GALNS: variants seen among roughly 807,000 people sequenced by gnomAD.
The protein encoded by GALNS is N-acetylgalactosamine-6-sulfatase.
Under a neutral mutation model 65.9 loss-of-function variants are expected in GALNS, and 65 were observed. The ratio of observed to expected loss-of-function variants is 0.99; its 90% CI spans 0.81 to 1.21. The LOEUF (loss-of-function observed/expected upper bound fraction) is 1.21. Ranked by LOEUF, GALNS falls within the 50% of genes most tolerant of loss-of-function variation. GALNS has a pLI of 0.00. For synonymous variants in GALNS, 346 were observed against 288.9 expected (o/e 1.20, Z -2.00); for missense variants, 776 against 700.7 (o/e 1.11, Z -1.21).
At chr16:88,838,894 T>C (rs530215028) in intron 4 of GALNS, 1 of 152,382 alleles carries the variant, frequency 6.6e-6, no homozygotes, top group African/African-American at 2.4e-5. Context: ...TCCCTGGACA[T>C]GGCCTCTGTA....
chr16:88,855,476 G>A (rs1255454147), intron 1 of GALNS: 2 of 702,846 alleles, frequency 2.8e-6, no homozygotes, highest in Non-Finnish European at 5.2e-6. Flanking sequence ...ACTGCTGTCA[G>A]GACACGGACC....
chr16:88,844,870 G>C (rs1034946664), intron 1 of GALNS: 1 of 152,268 alleles, frequency 6.6e-6, no homozygotes, highest in African/African-American at 2.4e-5. Context: ...ATATGGGGCT[G>C]TCACAGCCCC....
rs530531065 is a variant in GALNS, at chr16:88,817,158, G to A, written c.1482+849C>T. The A allele has an allele frequency of 1.6e-5, 16 of 985,470 alleles. No homozygotes were observed. The East Asian group carries it at 3.4e-4, about 21-fold the overall frequency. The allele number at this position is 985,470 out of a possible 1,614,324, so 61.0% of individuals were successfully genotyped here. ...ACTGCACACGCGGGATGGCTGGGCC[G>A]TCCACATGCCACCCTATGGGACCCC... On this transcript the variant is annotated intron_variant, in intron 13 of 13. Transcript: ENST00000268695.
At chr16:88,843,385 G>C in intron 1 of GALNS, 1 of 420,964 alleles carries the variant, frequency 2.4e-6, no homozygotes, top group Non-Finnish European at 4.2e-6. Context: ...GCATACGAGC[G>C]TCCAGGGCAG....
At chr16:88,828,699 T>C (rs1273320959) in intron 9 of GALNS, among the ~76,000 whole-genome samples, 1 of 152,198 alleles carries the variant, frequency 6.6e-6, no homozygotes, top group African/African-American at 2.4e-5. Context: ...AACGCTGAAA[T>C]TGGCATTTTT....
rs150248796 is a variant in GALNS, at chr16:88,848,536, G to A, written c.121-5707C>T. On this transcript the variant is annotated intron_variant, in intron 1 of 13. Transcript: ENST00000268695. ...TGGTCCCAGCTACTCGGGAGGCTGA[G>A]GCAGGACAGCCTGGGTGACAGTGAG... 1.7e-4 allele frequency among the ~76,000 whole-genome samples: 25 copies of A among 151,352 alleles called. 1 individual carries two copies. The East Asian group carries it at 4.9e-3, about 29-fold the overall frequency.
intron 7 of GALNS, 127 bp from the exon 8 acceptor site, chr16:88,835,479 G>C: frequency 7.3e-7 from 1 of 1,360,724 alleles, no homozygotes; most frequent in South Asian, 1.2e-5. Context: ...AGTGAAACTG[G>C]CCGGCCTCTT....
chr16:88,831,188 C>A (rs1209264606), intron 9 of GALNS, among the ~76,000 whole-genome samples: 1 of 152,148 alleles, frequency 6.6e-6, no homozygotes, highest in Non-Finnish European at 1.5e-5. Context: ...CGAGAGCCAC[C>A]GAGAGGGACC....
rs146415879 is a variant in GALNS, at chr16:88,826,916, G to T, written c.1003-78C>A. 2,638 of 1,505,054 alleles carry T rather than the reference G, an allele frequency of 1.8e-3. 2 individuals are homozygous for T. Among genetic ancestry groups the T allele is most frequent in the Middle Eastern group, 9.1e-3 (40 of 4,414 alleles). 93.2% of individuals were successfully genotyped at this position (1,505,054 alleles called of 1,614,324 possible). On this transcript the variant is annotated intron_variant, in intron 9 of 13. Coordinates refer to ENST00000268695, the MANE Select transcript of GALNS (RefSeq NM_000512.5). ...GCTGGGGGCCAATCCCTGGGGGGGCGTGAGCCCCGCTGCCCAGCTGGGTCT... is the reference window on the plus strand; with the variant it reads ...GCTGGGGGCCAATCCCTGGGGGGGCTTGAGCCCCGCTGCCCAGCTGGGTCT...
chr16:88,856,359 G>T, intron 1 of GALNS: 4 of 702,044 alleles, frequency 5.7e-6, no homozygotes, highest in Non-Finnish European at 1.0e-5. Flanking sequence ...TCCCTTTGGG[G>T]AGGCCACGCT....
intron 4 of GALNS, 50 bp from the exon 5 acceptor site, chr16:88,837,815 G>A (rs1411214432): frequency 6.2e-6 from 10 of 1,604,920 alleles, no homozygotes; most frequent in African/African-American, 5.4e-5. Context: ...GGGGACACTC[G>A]GAAGTTCTGA....
intron 1 of GALNS, among the ~76,000 whole-genome samples, chr16:88,846,924 G>C (rs916832195): frequency 6.6e-6 from 1 of 152,098 alleles, no homozygotes; most frequent in Non-Finnish European, 1.5e-5. Flanking sequence ...GTGTGGCCAG[G>C]GGGTTACTGA....
chr16:88,852,039 C>A (rs567209839), intron 1 of GALNS, among the ~76,000 whole-genome samples: 1 of 152,236 alleles, frequency 6.6e-6, no homozygotes, highest in Admixed American at 6.5e-5. Context: ...GCTCTGAGAA[C>A]GGACACATTG....
At chr16:88,839,653 G>A (rs551149041) in intron 4 of GALNS, among the ~76,000 whole-genome samples, 5 of 152,358 alleles carry the variant, frequency 3.3e-5, no homozygotes, top group South Asian at 4.1e-4. Context: ...CCACCTGACT[G>A]AGCAGCCGCT....
chr16:88,826,064 C>T (rs1216796168), intron 10 of GALNS, among the ~76,000 whole-genome samples: 1 of 151,882 alleles, frequency 6.6e-6, no homozygotes, highest in East Asian at 1.9e-4. Context: ...GGCAGAGCAG[C>T]GACTTGGATG....
chr16:88,819,031 T>G (rs1464651860), intron 12 of GALNS, among the ~76,000 whole-genome samples: 2 of 152,210 alleles, frequency 1.3e-5, no homozygotes, highest in African/African-American at 4.8e-5. Flanking sequence ...CCAGGCCCAG[T>G]ACCTTCTGGG....
Position 88,835,253 on chromosome 16 carries a change from C to G in GALNS, c.858G>C (p.Thr286=). The G allele has an allele frequency of 6.2e-7, 1 of 1,607,482 alleles. No individual in the cohort carries two copies. The change falls in exon 8 of 14, where the codon ACG becomes ACC. Residue 286 remains threonine (T), a synonymous_variant. Transcript: ENST00000268695. ...HVADNTFVFF[T]SDNGAALISA... ...AAATGAGGGCAGCGCCGTTGTCCGA[C>G]GTGAAGAAGACGAAGGTGTTGTCCG...
chr16:88,839,542 C>A (rs1423667029), intron 4 of GALNS, among the ~76,000 whole-genome samples: 4 of 152,228 alleles, frequency 2.6e-5, no homozygotes, highest in Non-Finnish European at 5.9e-5. Flanking sequence ...GATCAAGCAG[C>A]CTCTTTTTGA....
chr16:88,852,584 C>T (rs1567545736), intron 1 of GALNS, among the ~76,000 whole-genome samples: 1 of 152,192 alleles, frequency 6.6e-6, no homozygotes, highest in Non-Finnish European at 1.5e-5. Flanking sequence ...TAACCAACTT[C>T]TCCGAACTAG....
Sources: allele counts gnomAD v4.1 joint callset (sites outside exome capture counted in the v4.1 genomes callset), GRCh38; gene constraint gnomAD v4.1.1; transcripts MANE v1.5; gene names NCBI Gene and HGNC (gene_info 2026-07-23, HGNC 2026-07-21).